The following SIPA1L2 variants were observed in gnomAD, a reference collection of about 807,000 sequenced individuals.
The protein encoded by SIPA1L2 is signal-induced proliferation-associated 1-like protein 2.
In SIPA1L2, 56 loss-of-function variants were observed where a neutral mutation model predicts 163.9. The observed-to-expected ratio is 0.34, with a 90% CI of 0.28 to 0.43. The LOEUF (loss-of-function observed/expected upper bound fraction) is 0.43, where lower values mean the gene tolerates loss of function less well. Among genes scored for constraint, SIPA1L2 ranks in the 20% least tolerant of loss-of-function variants. The pLI is 1.00. For missense variants in SIPA1L2, 1,974 were observed against 2,193.5 expected (o/e 0.90, Z 2.00); for synonymous variants, 877 against 865.7 (o/e 1.01, Z -0.23).
chr1:232,461,779 C>T (rs2102920622), intron 9 of SIPA1L2, among the ~76,000 whole-genome samples: 1 of 152,326 alleles, frequency 6.6e-6, no homozygotes, highest in East Asian at 1.9e-4. Context: ...TCTAAATGTT[C>T]TCTACGCACC....
chr1:232,614,501 C>G (rs186655652), intron 1 of SIPA1L2, among the ~76,000 whole-genome samples: 1 of 152,326 alleles, frequency 6.6e-6, no homozygotes, highest in Non-Finnish European at 1.5e-5. Flanking sequence ...CAAACTGCCA[C>G]AGCATGAATT....
intron 7 of SIPA1L2, among the ~76,000 whole-genome samples, chr1:232,478,508 A>G (rs1665158803): frequency 6.6e-6 from 1 of 152,130 alleles, no homozygotes; most frequent in South Asian, 2.1e-4. Flanking sequence ...AAATTTATAT[A>G]CTTTTATGAG....
At position 232,455,861 on chromosome 1, in the gene SIPA1L2, A is replaced by C. The variant is rs77496565; in HGVS notation, c.3095+5026T>G. 3.3e-3 allele frequency among the ~76,000 whole-genome samples: 505 copies of C among 152,290 alleles called. 23 individuals are homozygous for C. In the East Asian group the frequency reaches 0.081, roughly 25 times the overall value. On this transcript the variant is annotated intron_variant, in intron 10 of 22. Coordinates refer to ENST00000674635, the MANE Select transcript of SIPA1L2 (RefSeq NM_020808.5). ...AATTAACACGGCAACAGAAAACCAA[A>C]TGCTGTCATGTTCTTGCTTACAAGC...
At chr1:232,541,854 TAAA>T (rs10585668) in intron 2 of SIPA1L2, among the ~76,000 whole-genome samples, 201 of 135,666 alleles carry the variant, frequency 1.5e-3, no homozygotes, top group Middle Eastern at 3.7e-3. Flanking sequence ...CCTACAGATT[TAAA>T]AAAAAAAAAA....
At chr1:232,428,292 A>T in intron 17 of SIPA1L2, 119 bp downstream of exon 17, 1 of 801,028 alleles carries the variant, frequency 1.2e-6, no homozygotes, top group Non-Finnish European at 1.8e-6. Context: ...AGTTGTTGGT[A>T]GGGTCATGAG....
intron 3 of SIPA1L2, among the ~76,000 whole-genome samples, chr1:232,505,790 G>A (rs1666704016): frequency 6.6e-6 from 1 of 152,196 alleles, no homozygotes; most frequent in African/African-American, 2.4e-5. Flanking sequence ...ACTGGCCAGG[G>A]AGAGAGGTGA....
At chr1:232,543,625 T>A (rs1482123019) in intron 2 of SIPA1L2, among the ~76,000 whole-genome samples, 1 of 152,238 alleles carries the variant, frequency 6.6e-6, no homozygotes, top group Non-Finnish European at 1.5e-5. Flanking sequence ...TCTCAAGGCT[T>A]TGCGAGGCTG....
intron 1 of SIPA1L2, among the ~76,000 whole-genome samples, chr1:232,582,307 C>T (rs1423747620): frequency 1.3e-5 from 2 of 152,042 alleles, no homozygotes; most frequent in African/African-American, 2.4e-5. Context: ...TTCCTTCCCT[C>T]CCTCCCTTCC....
chr1:232,535,495 C>G (rs894403997), intron 2 of SIPA1L2, among the ~76,000 whole-genome samples: 8 of 152,284 alleles, frequency 5.3e-5, no homozygotes, highest in African/African-American at 1.9e-4. Flanking sequence ...GCAGTTTTCT[C>G]AAGCCAAATG....
At chr1:232,478,866 A>G (rs938235375) in intron 7 of SIPA1L2, among the ~76,000 whole-genome samples, 2 of 152,244 alleles carry the variant, frequency 1.3e-5, no homozygotes, top group African/African-American at 4.8e-5. Flanking sequence ...ATTCTAAACA[A>G]GATGTGAAAT....
intron 2 of SIPA1L2, among the ~76,000 whole-genome samples, chr1:232,520,721 C>G (rs1286779189): frequency 1.3e-5 from 2 of 152,014 alleles, no homozygotes; most frequent in Non-Finnish European, 2.9e-5. Context: ...CCCAACAGCT[C>G]TAATACTAAT....
At chr1:232,498,017 A>G (rs1572987265) in intron 3 of SIPA1L2, among the ~76,000 whole-genome samples, 2 of 152,124 alleles carry the variant, frequency 1.3e-5, no homozygotes, top group South Asian at 4.1e-4. Context: ...TTCACTTGAC[A>G]TTCTTCTTAC....
chr1:232,440,222 G>A (rs1662807856), intron 14 of SIPA1L2, among the ~76,000 whole-genome samples: 1 of 152,196 alleles, frequency 6.6e-6, no homozygotes, highest in South Asian at 2.1e-4. Context: ...AAATGTCCCT[G>A]TCTCTACAAT....
chr1:232,498,742 T>C (rs949490635), intron 3 of SIPA1L2, among the ~76,000 whole-genome samples: 1 of 152,160 alleles, frequency 6.6e-6, no homozygotes, highest in Non-Finnish European at 1.5e-5. Context: ...GTTTTCCTCC[T>C]TATAAGGACA....
chr1:232,441,850 C>G lies in SIPA1L2; in HGVS notation c.3456G>C (p.Leu1152=), dbSNP rs754912491. The G allele has an allele frequency of 6.2e-7, 1 of 1,612,788 alleles. No homozygotes were observed. Among genetic ancestry groups the G allele is most frequent in the East Asian group, 2.2e-5 (1 of 44,850 alleles). Residue 1152 remains leucine (L), a synonymous_variant, in exon 13 of 23, where the codon CTG becomes CTC. Transcript: ENST00000674635. Reference sequence around the variant, plus strand: ...AAGGGCCTGAGCCCTGGTGTTCGAGCAGTAGAGGGGACTGGCACCTGAAAA... The same window carrying G: ...AAGGGCCTGAGCCCTGGTGTTCGAGGAGTAGAGGGGACTGGCACCTGAAAA... The part of the protein sequence containing the change: ...VGYDGCQSPL[L]LEHQGSGPLE...
intron 1 of SIPA1L2, among the ~76,000 whole-genome samples, chr1:232,615,227 T>C (rs1224792275): frequency 6.6e-6 from 1 of 152,200 alleles, no homozygotes. Flanking sequence ...CTTGCTGCCC[T>C]TGAGCTTGGA....
rs898201198 is a variant in SIPA1L2 at position 232,574,157 on chromosome 1, C to T, written c.-270+17G>A. On this transcript the variant is annotated intron_variant, in intron 2 of 22. Coordinates refer to ENST00000674635, the MANE Select transcript of SIPA1L2 (RefSeq NM_020808.5). ...ACATGCCTCTCTGAAGTGAGGATGC[C>T]TTGCTTGCAGGCTTACCTGAGTGGG... 1.3e-5 allele frequency among the ~76,000 whole-genome samples: 2 copies of T among 152,174 alleles called. No homozygotes were observed. Among genetic ancestry groups the T allele is most frequent in the African/African-American group, 4.8e-5 (2 of 41,430 alleles).
chr1:232,494,966 T>G (rs560891124), intron 3 of SIPA1L2, among the ~76,000 whole-genome samples: 2 of 152,298 alleles, frequency 1.3e-5, no homozygotes, highest in South Asian at 2.1e-4. Flanking sequence ...AGGGAACATC[T>G]GCAAACTTGA....
intron 2 of SIPA1L2, 30 bp from the exon 3 acceptor site, chr1:232,515,638 G>C: frequency 3.1e-6 from 1 of 322,556 alleles, no homozygotes; most frequent in Non-Finnish European, 5.7e-6. Flanking sequence ...GTAGCCATTA[G>C]CAATTAATAT....
Sources: allele counts gnomAD v4.1 joint callset (sites outside exome capture counted in the v4.1 genomes callset), GRCh38; gene constraint gnomAD v4.1.1; transcripts MANE v1.5; gene names NCBI Gene and HGNC (gene_info 2026-07-23, HGNC 2026-07-21).